The following ARGFX variants were observed in gnomAD, a reference collection of about 807,000 sequenced individuals.
ARGFX encodes arginine-fifty homeobox.
A neutral mutation model predicts 8.0 loss-of-function variants in ARGFX; 10 were observed. The observed-to-expected ratio is 1.25, with a 90% CI of 0.77 to 2.12. ARGFX has a LOEUF of 2.12. Among genes scored for constraint, ARGFX ranks in the 30% most tolerant of loss-of-function variants. The pLI is 0.00. For synonymous variants in ARGFX, 116 were observed against 117.8 expected (o/e 0.98, Z 0.10); for missense variants, 282 against 324.3 (o/e 0.87, Z 1.00).
rs2048834513 is a variant in ARGFX, at chr3:121,589,722, A to G, written c.*3122A>G. Among the ~76,000 whole-genome samples the G allele has an allele frequency of 1.3e-5, 2 of 152,164 alleles. No individual in the cohort carries two copies. The highest frequency in any genetic ancestry group is 2.9e-5 in the Non-Finnish European group (2 of 68,026). The stretch of plus-strand genomic sequence containing the variant: ...AAGTATATTAGACAACAACAAAAGG[A>G]ACAACTAACCTGAAATATATAATAA... On this transcript the variant is annotated 3_prime_UTR_variant, in exon 5 of 5. Coordinates refer to ENST00000334384, the MANE Select transcript of ARGFX (RefSeq NM_001012659.2).
intron 1 of ARGFX, among the ~76,000 whole-genome samples, chr3:121,568,798 C>T (rs886760277): frequency 1.2e-4 from 18 of 152,156 alleles, no homozygotes; most frequent in African/African-American, 1.7e-4. Context: ...GTTACTGCAT[C>T]ATTTATTTAC....
At chr3:121,576,136 TGG>T (rs371455863) in intron 2 of ARGFX, among the ~76,000 whole-genome samples, 72 of 151,918 alleles carry the variant, frequency 4.7e-4, no homozygotes, top group African/African-American at 1.7e-3. Flanking sequence ...TTGTGGAGAA[TGG>T]GGGTCTCACT....
chr3:121,579,953 T>C (rs1217220496), intron 3 of ARGFX, among the ~76,000 whole-genome samples: 32 of 74,836 alleles, frequency 4.3e-4, no homozygotes, highest in Middle Eastern at 7.2e-3. Flanking sequence ...TTCTTTTTTT[T>C]TTTTTTTTTT....
chr3:121,576,427 C>T (rs12486334), intron 2 of ARGFX, among the ~76,000 whole-genome samples: 54,634 of 151,938 alleles, frequency 0.36, 10,405 homozygotes, highest in Admixed American at 0.48. Flanking sequence ...CAACCTCTGC[C>T]TCCTGAGTTC....
chr3:121,571,584 A>T (rs2048708431), intron 2 of ARGFX, among the ~76,000 whole-genome samples: 2 of 139,046 alleles, frequency 1.4e-5, no homozygotes, highest in South Asian at 4.8e-4. Context: ...TTATTTTTTG[A>T]GACAGTCTTG....
At chr3:121,570,843 T>C in intron 2 of ARGFX, 27 bp downstream of exon 2, 2 of 1,496,940 alleles carry the variant, frequency 1.3e-6, no homozygotes, top group Middle Eastern at 1.7e-4. Flanking sequence ...TTTGTCCTCT[T>C]TCCTTTTCTA....
chr3:121,572,220 T>C (rs1328538766), intron 2 of ARGFX, among the ~76,000 whole-genome samples: 1 of 140,728 alleles, frequency 7.1e-6, no homozygotes, highest in South Asian at 2.3e-4. Context: ...GCTTTAATAT[T>C]TTTATTATTA....
At chr3:121,571,801 C>G (rs2048709942) in intron 2 of ARGFX, among the ~76,000 whole-genome samples, 1 of 130,284 alleles carries the variant, frequency 7.7e-6, no homozygotes, top group African/African-American at 2.9e-5. Flanking sequence ...CCAGGCTGGT[C>G]TCAAACTCCT....
In ARGFX at chr3:121,570,735, G is replaced by A; in HGVS notation, c.22G>A (p.Glu8Lys). 6.2e-7 allele frequency: 1 copy of A among 1,610,352 alleles called. No homozygotes were observed. Residue 8 changes from glutamate to lysine, a missense_variant, in exon 2 of 5, where the codon GAG (glutamate) becomes AAG (lysine). Physicochemically the swap from Glu to Lys is moderately conservative, Grantham distance 56 (BLOSUM62 1). Coordinates refer to ENST00000334384, the MANE Select transcript of ARGFX (RefSeq NM_001012659.2). ...AACCATGAGGAACAGAATGGCCCCA[G>A]AGAATCCCCAGCCAGACCCTTTCAT... MRNRMAP[E>K]NPQPDPFINR...
Position 121,577,244 on chromosome 3 carries a change from TATATATATATATA to T in ARGFX, c.220+345_220+357del, listed in dbSNP as rs1191386390. On this transcript the variant is annotated intron_variant, in intron 3 of 4. Transcript: ENST00000334384. ...ACATGTACATATATATATATATATA[TATATATATATATA>T]TATTTTTTTTTTTTTAAATGGAGTC... Among the ~76,000 whole-genome samples, 272 of 53,348 alleles carry T rather than the reference TATATATATATATA, an allele frequency of 5.1e-3. 3 individuals are homozygous for T. Among genetic ancestry groups the T allele is most frequent in the African/African-American group, 0.019 (263 of 13,802 alleles). 35.0% of individuals were successfully genotyped at this position (53,348 alleles called of 152,430 possible). A position where few individuals can be genotyped will look rare whatever the true frequency, so the allele number is the denominator to read the frequency against.
At chr3:121,574,079 C>T (rs1295256881) in intron 2 of ARGFX, among the ~76,000 whole-genome samples, 2 of 151,862 alleles carry the variant, frequency 1.3e-5, no homozygotes, top group East Asian at 1.9e-4. Flanking sequence ...ATGGCACTGC[C>T]GCTGTGAAAA....
chr3:121,582,443 G>GA (rs1282553348), intron 3 of ARGFX, among the ~76,000 whole-genome samples: 9 of 151,900 alleles, frequency 5.9e-5, no homozygotes, highest in Non-Finnish European at 7.4e-5. Flanking sequence ...AATGTGAGCA[G>GA]AAAAAAATCA....
chr3:121,577,648 AAG>A (rs1186728701), intron 3 of ARGFX, among the ~76,000 whole-genome samples: 3 of 152,196 alleles, frequency 2.0e-5, no homozygotes, highest in African/African-American at 7.2e-5. Context: ...TAATTTACAA[AAG>A]AGAGGTATGT....
intron 1 of ARGFX, among the ~76,000 whole-genome samples, chr3:121,569,085 CCA>C (rs1015305104): frequency 6.6e-6 from 1 of 152,082 alleles, no homozygotes; most frequent in African/African-American, 2.4e-5. Flanking sequence ...ACTATATTTT[CCA>C]CACACAAAAA....
intron 2 of ARGFX, among the ~76,000 whole-genome samples, chr3:121,576,063 T>C (rs932855096): frequency 5.3e-5 from 8 of 152,134 alleles, no homozygotes; most frequent in Admixed American, 5.2e-4. Flanking sequence ...ATGTGAAAAC[T>C]GAGACCCTCC....
rs1048530450 is a variant in ARGFX, at chr3:121,576,880, C to T, written c.200C>T (p.Ser67Phe). 1.1e-5 allele frequency: 4 copies of T among 379,000 alleles called. No individual in the cohort carries two copies. Among genetic ancestry groups the T allele is most frequent in the African/African-American group, 8.8e-5 (4 of 45,324 alleles). 23.5% of individuals were successfully genotyped at this position (379,000 alleles called of 1,614,324 possible). Residue 67 changes from serine (S) to phenylalanine (F), a missense_variant, in exon 3 of 5, where the codon TCC (serine) becomes TTC (phenylalanine). Ser to Phe is a radical substitution (Grantham distance 155). Coordinates refer to ENST00000334384, the MANE Select transcript of ARGFX (RefSeq NM_001012659.2). The stretch of plus-strand genomic sequence containing the variant: ...TCAACTGATCCTCCCACCTCAGCCT[C>T]CCGAGTAGCTGCGACTACAGGTGCG... Reference protein sequence around the residue: ...PGSTDPPTSASRVAATTAIRR... With the variant: ...PGSTDPPTSAFRVAATTAIRR...
chr3:121,573,943 C>T (rs974571965), intron 2 of ARGFX, among the ~76,000 whole-genome samples: 28 of 150,936 alleles, frequency 1.9e-4, no homozygotes, highest in African/African-American at 6.8e-4. Context: ...AGATGCTCAG[C>T]AACATTAATT....
chr3:121,585,138 C>T, intron 4 of ARGFX, 73 bp downstream of exon 4: 1 of 1,491,968 alleles, frequency 6.7e-7, no homozygotes, highest in Non-Finnish European at 9.1e-7. Context: ...AAATTCCCCA[C>T]CCTCTACCCC....
At position 121,588,269 on chromosome 3, in the gene ARGFX, C is replaced by T. The variant is rs1233352042; in HGVS notation, c.*1669C>T. On this transcript the variant is annotated 3_prime_UTR_variant, in exon 5 of 5. Coordinates refer to ENST00000334384, the MANE Select transcript of ARGFX (RefSeq NM_001012659.2). ...GATCACGAGGTCAGGAGATTGAGAC[C>T]AGCCTGACTAACATGGTGAAATCCC... is the stretch of plus-strand genomic sequence containing the variant. Among the ~76,000 whole-genome samples, 1 of 142,158 alleles carries T rather than the reference C, an allele frequency of 7.0e-6. No individual in the cohort carries two copies. Among genetic ancestry groups the T allele is most frequent in the Non-Finnish European group, 1.5e-5 (1 of 66,198 alleles). 93.3% of individuals were successfully genotyped at this position (142,158 alleles called of 152,430 possible).
Sources: allele counts gnomAD v4.1 joint callset (sites outside exome capture counted in the v4.1 genomes callset), GRCh38; gene constraint gnomAD v4.1.1; transcripts MANE v1.5; gene names NCBI Gene and HGNC (gene_info 2026-07-23, HGNC 2026-07-21).